The following RBM12B variants were observed in gnomAD, a reference collection of about 807,000 sequenced individuals.
RBM12B encodes RNA-binding protein 12B.
RBM12B carries 10 observed loss-of-function variants against 34.3 expected under a neutral mutation model. The observed-to-expected ratio is 0.29, with a 90% CI of 0.18 to 0.49. RBM12B has a LOEUF of 0.49. Among genes scored for constraint, RBM12B ranks in the 20% least tolerant of loss-of-function variants. RBM12B has a pLI of 0.99. For synonymous variants in RBM12B, 477 were observed against 437.1 expected (o/e 1.09, Z -1.14); for missense variants, 1,139 against 1,262.7 (o/e 0.90, Z 1.48).
chr8:93,732,072 A>G lies in RBM12B; in HGVS notation c.*1333T>C, dbSNP rs1811812811. ...CTTAAAAAAGTGAGGCAGCAAAAGCATGAACTGGAGTCAGTGGTCTGTCTG... is the reference window on the plus strand; with the variant it reads ...CTTAAAAAAGTGAGGCAGCAAAAGCGTGAACTGGAGTCAGTGGTCTGTCTG... On this transcript the variant is annotated 3_prime_UTR_variant, in exon 4 of 4. Coordinates refer to ENST00000520560, the MANE Select transcript of RBM12B (RefSeq NM_001377960.1). 6.6e-6 allele frequency: 1 copy of G among 152,254 alleles called. No individual in the cohort carries two copies. Among genetic ancestry groups the G allele is most frequent in the African/African-American group, 2.4e-5 (1 of 41,462 alleles). 9.4% of individuals were successfully genotyped at this position (152,254 alleles called of 1,614,324 possible). A position where few individuals can be genotyped will look rare whatever the true frequency, so the allele number is the denominator to read the frequency against.
Position 93,736,186 on chromosome 8 carries a change from G to A in RBM12B, c.225C>T (p.Ser75=). Residue 75 remains serine, a synonymous_variant, in exon 4 of 4, where the codon AGC becomes AGT. Coordinates refer to ENST00000520560, the MANE Select transcript of RBM12B (RefSeq NM_001377960.1). ...CTATAGTCTTCTGCATTTCTGCCTT[G>A]CTACTAAGAAAGAGCTCTACAGATG... ...KDSSVELFLS[S]KAEMQKTIEM... The A allele has an allele frequency of 6.2e-7, 1 of 1,614,074 alleles. No individual in the cohort carries two copies. Among genetic ancestry groups the A allele is most frequent in the Non-Finnish European group, 8.5e-7 (1 of 1,180,016 alleles).
Position 93,735,099 on chromosome 8 carries a change from C to T in RBM12B, c.1312G>A (p.Gly438Ser). 6.2e-7 allele frequency: 1 copy of T among 1,614,144 alleles called. No homozygotes were observed. Among genetic ancestry groups the T allele is most frequent in the South Asian group, 1.1e-5 (1 of 91,080 alleles). The change falls in exon 4 of 4, where the codon GGT (glycine) becomes AGT (serine). Residue 438 changes from glycine (G) to serine (S), a missense_variant. This residue lies in a region of RBM12B where 863 missense variants were observed against 869.5 expected (regional missense o/e 0.99). Coordinates refer to ENST00000520560, the MANE Select transcript of RBM12B (RefSeq NM_001377960.1). ...ACTAATGCTTCTCCCAGACCAACAC[C>T]TTTGTCATCATAAAGCAAGTAAATG... ...DDIYLLYDDKGVGLGEALVKF... is the reference protein window; with the variant it reads ...DDIYLLYDDKSVGLGEALVKF...
At position 93,733,398 on chromosome 8, in the gene RBM12B, T is replaced by A; in HGVS notation, c.*7A>T. On this transcript the variant is annotated 3_prime_UTR_variant, in exon 4 of 4. Coordinates refer to ENST00000520560, the MANE Select transcript of RBM12B (RefSeq NM_001377960.1). ...GGAAGATAACTGAATTTAGAAATGCTCTCTCTCTACAGCAAAGTTAACTTA... is the reference window on the plus strand; with the variant it reads ...GGAAGATAACTGAATTTAGAAATGCACTCTCTCTACAGCAAAGTTAACTTA... 6.6e-7 allele frequency: 1 copy of A among 1,512,008 alleles called. No homozygotes were observed. Among genetic ancestry groups the A allele is most frequent in the African/African-American group, 1.4e-5 (1 of 71,726 alleles). The allele number at this position is 1,512,008 out of a possible 1,614,324, so 93.7% of individuals were successfully genotyped here.
In RBM12B at chr8:93,732,724, A is replaced by G. The variant is rs1290848111; in HGVS notation, c.*681T>C. ...TTTAATGAAGTTATTGAAAAACTTC[A>G]CAATATCGAGCTGCAATTCTTTTTT... is the stretch of plus-strand genomic sequence containing the variant. On this transcript the variant is annotated 3_prime_UTR_variant, in exon 4 of 4. Coordinates refer to ENST00000520560, the MANE Select transcript of RBM12B (RefSeq NM_001377960.1). 1 of 152,238 alleles carries G rather than the reference A, an allele frequency of 6.6e-6. No homozygotes were observed. The highest frequency in any genetic ancestry group is 1.5e-5 in the Non-Finnish European group (1 of 68,028). The allele number at this position is 152,238 out of a possible 1,614,324, so 9.4% of individuals were successfully genotyped here.
chr8:93,734,468 TCG>T lies in RBM12B; in HGVS notation c.1941_1942del (p.Glu648GlyfsTer8). ...CTCAGGGGGTTGCCTGAAGTCCTCC[TCG>T]GGGAGCTGCCTGAAGTCCTCCGTGG... On this transcript the variant is annotated frameshift_variant, in exon 4 of 4. Transcript: ENST00000520560. LOFTEE classifies it high-confidence loss of function. The T allele has an allele frequency of 1.2e-6, 2 of 1,605,468 alleles. No homozygotes were observed. Among genetic ancestry groups the T allele is most frequent in the South Asian group, 2.2e-5 (2 of 90,346 alleles).
At position 93,732,403 on chromosome 8, in the gene RBM12B, T is replaced by TA. The variant is rs1811824409; in HGVS notation, c.*1001dup. ...TCAACCACACAAGTCTTAACAGTTA[T>TA]AGAGTCTTTGCATGGACACAGTTTC... On this transcript the variant is annotated 3_prime_UTR_variant, in exon 4 of 4. Coordinates refer to ENST00000520560, the MANE Select transcript of RBM12B (RefSeq NM_001377960.1). The TA allele has an allele frequency of 6.6e-6, 1 of 152,222 alleles. No individual in the cohort carries two copies. The highest frequency in any genetic ancestry group is 2.1e-4 in the South Asian group (1 of 4,832). The allele number at this position is 152,222 out of a possible 1,614,324, so 9.4% of individuals were successfully genotyped here.
rs1811994950 is a variant in RBM12B at position 93,735,621 on chromosome 8, A to G, written c.790T>C (p.Phe264Leu). The G allele has an allele frequency of 6.2e-7, 1 of 1,614,016 alleles. No individual in the cohort carries two copies. Among genetic ancestry groups the G allele is most frequent in the African/African-American group, 1.3e-5 (1 of 74,916 alleles). Reference protein sequence around the residue: ...SPPRGINDRHFRKRSHSKSPR... With the variant: ...SPPRGINDRHLRKRSHSKSPR... ...GATTTTGAATGAGACCGTTTTCGAAAATGTCTATCATTAATTCCTCTTGGT... is the reference window on the plus strand; with the variant it reads ...GATTTTGAATGAGACCGTTTTCGAAGATGTCTATCATTAATTCCTCTTGGT... The change falls in exon 4 of 4, where the codon TTT (phenylalanine) becomes CTT (leucine). Residue 264 changes from phenylalanine (F) to leucine (L), a missense_variant. Phe to Leu is a conservative substitution (Grantham distance 22, BLOSUM62 0). This residue lies in a region of RBM12B where 863 missense variants were observed against 869.5 expected (regional missense o/e 0.99). Transcript: ENST00000520560.
At position 93,734,070 on chromosome 8, in the gene RBM12B, T is replaced by C. The variant is rs779443778; in HGVS notation, c.2341A>G (p.Arg781Gly). ...FRRPPPEHFR[R>G]PPQEHFRRPP... is the part of the protein sequence containing the mutation. Reference sequence around the variant, plus strand: ...CGCCTGAAATGCTCCTGGGGCGGTCTCCGGAAGTGCTCCGGGGGCGGGCGC... The same window carrying C: ...CGCCTGAAATGCTCCTGGGGCGGTCCCCGGAAGTGCTCCGGGGGCGGGCGC... The change falls in exon 4 of 4, where the codon AGA becomes GGA. Residue 781 changes from arginine (R) to glycine (G), a missense_variant. Physicochemically the swap from Arg to Gly is moderately radical, Grantham distance 125 (BLOSUM62 -2). Coordinates refer to ENST00000520560, the MANE Select transcript of RBM12B (RefSeq NM_001377960.1). The C allele has an allele frequency of 4.4e-6, 7 of 1,574,350 alleles. No individual in the cohort carries two copies. The highest frequency in any genetic ancestry group is 6.0e-6 in the Non-Finnish European group (7 of 1,163,646).
chr8:93,739,969 G>A (rs866378374), intron 2 of RBM12B, among the ~76,000 whole-genome samples: 2 of 152,160 alleles, frequency 1.3e-5, no homozygotes, highest in Non-Finnish European at 2.9e-5. Context: ...TATCTCATCA[G>A]ATCCATTTGA....
At position 93,733,338 on chromosome 8, in the gene RBM12B, T is replaced by A. The variant is rs982871066; in HGVS notation, c.*67A>T. 8.0e-5 allele frequency: 104 copies of A among 1,306,372 alleles called. 1 individual carries two copies. The highest frequency in any genetic ancestry group is 9.0e-6 in the Non-Finnish European group (9 of 997,506). The allele number at this position is 1,306,372 out of a possible 1,614,324, so 80.9% of individuals were successfully genotyped here. On this transcript the variant is annotated 3_prime_UTR_variant, in exon 4 of 4. Coordinates refer to ENST00000520560, the MANE Select transcript of RBM12B (RefSeq NM_001377960.1). ...ATAATTTAAAAAAAAAACACTTTTTTAAAACAAATGTATTTTACTCCATCA... is the reference window on the plus strand; with the variant it reads ...ATAATTTAAAAAAAAAACACTTTTTAAAAACAAATGTATTTTACTCCATCA...
Position 93,735,012 on chromosome 8 carries a change from C to G in RBM12B, c.1399G>C (p.Gly467Arg), listed in dbSNP as rs775097249. ...ATAAGTCTTAATAACACCTCTGTCC[C>G]TAGGAATCTTCGTCGGTTTAAACGT... ...AERLNRRRFLGTEVLLRLISE... is the reference protein window; with the variant it reads ...AERLNRRRFLRTEVLLRLISE... Residue 467 changes from glycine (G) to arginine (R), a missense_variant, in exon 4 of 4, where the codon GGG (glycine) becomes CGG (arginine). Around this residue, in one of 3 missense-constraint regions of RBM12B, gnomAD observed 863 missense variants for 869.5 expected, o/e 0.99. Transcript: ENST00000520560. 2 of 1,614,164 alleles carry G rather than the reference C, an allele frequency of 1.2e-6. No homozygotes were observed. The highest frequency in any genetic ancestry group is 1.7e-6 in the Non-Finnish European group (2 of 1,180,004).
intron 3 of RBM12B, 133 bp downstream of exon 3, chr8:93,737,174 T>A (rs982203154): frequency 6.6e-6 from 1 of 152,116 alleles, no homozygotes; most frequent in Admixed American, 6.5e-5. Flanking sequence ...GCCATTGCAC[T>A]CCAGCCTGGA....
Position 93,733,673 on chromosome 8 carries a change from G to T in RBM12B, c.2738C>A (p.Pro913His). ...MGSFPEGRFM[P>H]DPKINCGSGR... ...TGAACCACAATTTATTTTTGGATCA[G>T]GCATAAATCTCCCCTCAGGAAAACT... The change falls in exon 4 of 4, where the codon CCT becomes CAT. Residue 913 changes from proline to histidine, a missense_variant. Around this residue, in one of 3 missense-constraint regions of RBM12B, gnomAD observed 863 missense variants for 869.5 expected, o/e 0.99. Coordinates refer to ENST00000520560, the MANE Select transcript of RBM12B (RefSeq NM_001377960.1). 1.2e-6 allele frequency: 2 copies of T among 1,613,906 alleles called. No individual in the cohort carries two copies. The highest frequency in any genetic ancestry group is 1.7e-6 in the Non-Finnish European group (2 of 1,180,018).
chr8:93,736,496 AACT>A (rs1216706661), intron 3 of RBM12B, 58 bp from the exon 4 acceptor site: 20 of 1,324,314 alleles, frequency 1.5e-5, no homozygotes, highest in Non-Finnish European at 1.8e-5. Context: ...CCTTAGCCCA[AACT>A]AAGCTTAATA....
Position 93,734,510 on chromosome 8 carries a change from T to A in RBM12B, c.1901A>T (p.Asp634Val). The A allele has an allele frequency of 1.2e-6, 2 of 1,613,554 alleles. No individual in the cohort carries two copies. The highest frequency in any genetic ancestry group is 8.5e-7 in the Non-Finnish European group (1 of 1,179,860). The change falls in exon 4 of 4, where the codon GAT becomes GTT. Residue 634 changes from aspartate (D) to valine (V), a missense_variant. Transcript: ENST00000520560. ...GTCCTCCGTGGGAGACCGCCTGAAA[T>A]CCTCCTCCAGTGGCCGCCTCCAGTC... is the stretch of plus-strand genomic sequence containing the variant. ...EEDWRRPLEEDFRRSPTEDFR... is the reference protein window; with the variant it reads ...EEDWRRPLEEVFRRSPTEDFR...
In RBM12B at chr8:93,730,184, ACAT is replaced by A. The variant is rs1392148797; in HGVS notation, c.*3218_*3220del. The A allele has an allele frequency of 1.3e-5, 2 of 152,224 alleles. No individual in the cohort carries two copies. Among genetic ancestry groups the A allele is most frequent in the Non-Finnish European group, 2.9e-5 (2 of 68,042 alleles). 9.4% of individuals were successfully genotyped at this position (152,224 alleles called of 1,614,324 possible). A position where few individuals can be genotyped will look rare whatever the true frequency, so the allele number is the denominator to read the frequency against. On this transcript the variant is annotated 3_prime_UTR_variant, in exon 4 of 4. Transcript: ENST00000520560. ...TGATAGTTAATTCATACATAATTAT[ACAT>A]CATATAGTATCTAATACAGCTCAAT...
rs1290121014 is a variant in RBM12B at position 93,732,273 on chromosome 8, G to A, written c.*1132C>T. 6.6e-6 allele frequency: 1 copy of A among 152,190 alleles called. No homozygotes were observed. The highest frequency in any genetic ancestry group is 1.5e-5 in the Non-Finnish European group (1 of 68,028). 9.4% of individuals were successfully genotyped at this position (152,190 alleles called of 1,614,324 possible). ...GCTTACAGTGCCTAGCACATAGTAA[G>A]TGCCTAATAAATGTTAGCCATAAAT... On this transcript the variant is annotated 3_prime_UTR_variant, in exon 4 of 4. Transcript: ENST00000520560.
rs1811967957 is a variant in RBM12B at position 93,735,018 on chromosome 8, ATCT to A, written c.1390_1392del (p.Arg464del). On this transcript the variant is annotated inframe_deletion, in exon 4 of 4. Transcript: ENST00000520560. Reference sequence around the variant, plus strand: ...CTTAATAACACCTCTGTCCCTAGGAATCTTCGTCGGTTTAAACGTTCAGCTTTC... The same window carrying A: ...CTTAATAACACCTCTGTCCCTAGGAATCGTCGGTTTAAACGTTCAGCTTTC... 8.1e-6 allele frequency: 13 copies of A among 1,614,006 alleles called. No homozygotes were observed. The highest frequency in any genetic ancestry group is 1.1e-5 in the South Asian group (1 of 91,090).
Position 93,734,597 on chromosome 8 carries a change from C to T in RBM12B, c.1814G>A (p.Arg605His), listed in dbSNP as rs150994658. The change falls in exon 4 of 4, where the codon CGC becomes CAC. Residue 605 changes from arginine (R) to histidine (H), a missense_variant. This residue lies in a region of RBM12B where 863 missense variants were observed against 869.5 expected (regional missense o/e 0.99). Coordinates refer to ENST00000520560, the MANE Select transcript of RBM12B (RefSeq NM_001377960.1). ...GTGCCTGAAGTCATCCTCCGGAGGG[C>T]GCCTGAAATCTTCCTCCCAAGGGCG... Reference protein sequence around the residue: ...FRRPWEEDFRRPPEDDFRHPR... With the variant: ...FRRPWEEDFRHPPEDDFRHPR... 78 of 1,612,606 alleles carry T rather than the reference C, an allele frequency of 4.8e-5. 1 individual carries two copies. In the Admixed American group the frequency reaches 8.2e-4, roughly 17 times the overall value.
Sources: gnomAD v4.1 joint callset for allele counts (sites outside exome capture counted in the v4.1 genomes callset) on GRCh38, gnomAD v4.1.1 for gene constraint, gnomAD v4.1.1 regional missense constraint, MANE v1.5 for transcripts, NCBI Gene and HGNC (gene_info 2026-07-23, HGNC 2026-07-21) for gene names.